Variants in FBXL7 observed in about 807,000 individuals in gnomAD.
FBXL7 encodes the protein F-box and leucine rich repeat protein 7.
In FBXL7, 12 loss-of-function variants were observed where a neutral mutation model predicts 38.3. The observed-to-expected ratio is 0.31, with a 90% confidence interval of 0.20 to 0.51. The LOEUF (loss-of-function observed/expected upper bound fraction) is 0.51. Ranked by LOEUF, FBXL7 falls within the 20% of genes least tolerant of loss-of-function variation. FBXL7 has a pLI of 0.98. For missense variants in FBXL7, 567 were observed against 676.4 expected (o/e 0.84, Z 1.79); for synonymous variants, 297 against 300.9 (o/e 0.99, Z 0.13).
At chr5:15,502,271 G>A (rs1301266692) in intron 1 of FBXL7, among the ~76,000 whole-genome samples, 1 of 99,990 alleles carries the variant, frequency 1.0e-5, no homozygotes, top group East Asian at 2.8e-4. Context: ...CCCGCCTCCC[G>A]CCCCAGCCCT....
At chr5:15,800,267 A>G (rs546805464) in intron 2 of FBXL7, among the ~76,000 whole-genome samples, 3 of 152,240 alleles carry the variant, frequency 2.0e-5, no homozygotes, top group South Asian at 2.1e-4. Flanking sequence ...TCATCTCAAT[A>G]GGCTTCACAT....
intron 2 of FBXL7, among the ~76,000 whole-genome samples, chr5:15,821,038 G>C (rs1738155461): frequency 2.6e-5 from 4 of 152,140 alleles, no homozygotes; most frequent in Admixed American, 2.6e-4. Flanking sequence ...CTGTCTTCCT[G>C]ATGGCAAGGA....
chr5:15,881,101 T>G (rs979872930), intron 2 of FBXL7, among the ~76,000 whole-genome samples: 53 of 152,170 alleles, frequency 3.5e-4, no homozygotes, highest in African/African-American at 1.3e-3. Context: ...AATAAGTTCT[T>G]TAGTGGTGAT....
At chr5:15,585,750 T>A (rs956369203) in intron 1 of FBXL7, among the ~76,000 whole-genome samples, 1 of 152,228 alleles carries the variant, frequency 6.6e-6, no homozygotes, top group African/African-American at 2.4e-5. Context: ...GTGATATAGT[T>A]TTATGTTAGA....
intron 2 of FBXL7, 49 bp from the exon 3 acceptor site, chr5:15,927,841 G>T: frequency 7.0e-7 from 1 of 1,435,168 alleles, no homozygotes; most frequent in South Asian, 1.8e-5. Context: ...CCTCCCTGGG[G>T]CTCTGCTGAG....
At chr5:15,622,504 C>G (rs1740687411) in intron 2 of FBXL7, among the ~76,000 whole-genome samples, 2 of 152,044 alleles carry the variant, frequency 1.3e-5, no homozygotes, top group African/African-American at 4.8e-5. Flanking sequence ...TCTCATTGTT[C>G]AATTCCCACC....
intron 2 of FBXL7, among the ~76,000 whole-genome samples, chr5:15,839,434 T>C (rs1436803604): frequency 6.6e-6 from 1 of 151,932 alleles, no homozygotes; most frequent in Non-Finnish European, 1.5e-5. Context: ...GCAATCTATC[T>C]GATTTTTTTT....
chr5:15,784,651 G>T (rs916633106), intron 2 of FBXL7, among the ~76,000 whole-genome samples: 3 of 151,978 alleles, frequency 2.0e-5, no homozygotes, highest in Non-Finnish European at 4.4e-5. Context: ...TTGCTTAAAA[G>T]TGTGTGGCAT....
intron 2 of FBXL7, among the ~76,000 whole-genome samples, chr5:15,891,637 A>G (rs755622624): frequency 4.6e-5 from 7 of 152,244 alleles, no homozygotes; most frequent in African/African-American, 9.6e-5. Flanking sequence ...ATAAAGTATC[A>G]TAAATGAGTG....
intron 2 of FBXL7, among the ~76,000 whole-genome samples, chr5:15,836,608 C>T (rs1030528390): frequency 1.3e-5 from 2 of 151,900 alleles, no homozygotes; most frequent in African/African-American, 4.8e-5. Context: ...GAGTGTGCCT[C>T]GTCTGTTTGA....
intron 1 of FBXL7, among the ~76,000 whole-genome samples, chr5:15,606,000 C>G (rs1739998224): frequency 6.6e-6 from 1 of 151,938 alleles, no homozygotes; most frequent in South Asian, 2.1e-4. Context: ...CATAATACAC[C>G]TTAAATATGT....
At chr5:15,912,652 C>A (rs913170730) in intron 2 of FBXL7, among the ~76,000 whole-genome samples, 9 of 151,932 alleles carry the variant, frequency 5.9e-5, no homozygotes, top group African/African-American at 2.2e-4. Flanking sequence ...TAAAATGGAG[C>A]TTTCTATTAA....
At chr5:15,502,852 A>C (rs934425479) in intron 1 of FBXL7, among the ~76,000 whole-genome samples, 1 of 152,232 alleles carries the variant, frequency 6.6e-6, no homozygotes, top group African/African-American at 2.4e-5. Context: ...TTTCAAAGAA[A>C]GTAAAAGCAA....
At chr5:15,801,835 G>T (rs888557750) in intron 2 of FBXL7, among the ~76,000 whole-genome samples, 2 of 151,666 alleles carry the variant, frequency 1.3e-5, no homozygotes, top group Admixed American at 6.6e-5. Flanking sequence ...CATATTTCGG[G>T]GGGGGCGGGG....
intron 2 of FBXL7, among the ~76,000 whole-genome samples, chr5:15,847,344 T>C (rs1453587150): frequency 2.0e-5 from 3 of 152,124 alleles, no homozygotes; most frequent in African/African-American, 7.2e-5. Context: ...GAAAGCCCCT[T>C]ATAAAACCAT....
chr5:15,522,400 A>G (rs1361278076), intron 1 of FBXL7, among the ~76,000 whole-genome samples: 2 of 152,162 alleles, frequency 1.3e-5, no homozygotes, highest in South Asian at 2.1e-4. Flanking sequence ...CTTCAGTTAC[A>G]TGTTTCAGAT....
At chr5:15,809,724 A>G (rs1737808167) in intron 2 of FBXL7, among the ~76,000 whole-genome samples, 1 of 152,210 alleles carries the variant, frequency 6.6e-6, no homozygotes, top group Non-Finnish European at 1.5e-5. Context: ...GAGTAAGATT[A>G]TTTAGTTAAA....
intron 2 of FBXL7, among the ~76,000 whole-genome samples, chr5:15,748,083 G>A (rs1736061254): frequency 1.4e-5 from 2 of 144,270 alleles, no homozygotes; most frequent in Admixed American, 1.4e-4. Context: ...TGATATAACT[G>A]GAGTGATTTT....
rs9918277 is a variant in FBXL7 at position 15,607,759 on chromosome 5, C to T, written c.38-8224C>T. ...TTATCGATCCACTAACTGATTTCAG[C>T]GGCTCAGAATTGTATGTGTATATAT... On this transcript the variant is annotated intron_variant, in intron 1 of 3. Transcript: ENST00000504595. Among the ~76,000 whole-genome samples the T allele has an allele frequency of 3.5e-3, 539 of 152,320 alleles. 1 individual carries two copies. The highest frequency in any genetic ancestry group is 0.012 in the African/African-American group (500 of 41,576).
Sources: gnomAD v4.1 joint callset for allele counts (sites outside exome capture counted in the v4.1 genomes callset) on GRCh38, gnomAD v4.1.1 for gene constraint, MANE v1.5 for transcripts, NCBI Gene and HGNC (gene_info 2026-07-23, HGNC 2026-07-21) for gene names.